PRR5L: variants seen among roughly 807,000 people sequenced by gnomAD.
PRR5L encodes the protein proline rich 5 like, also known as proline-rich protein 5-like.
PRR5L carries 21 observed loss-of-function variants against 36.4 expected under a neutral mutation model. The ratio of observed to expected loss-of-function variants is 0.58; its 90% CI spans 0.41 to 0.83. The LOEUF is 0.83. Ranked by LOEUF, PRR5L falls within the 40% of genes least tolerant of loss-of-function variation. The probability of loss-of-function intolerance (pLI) is 0.00; values close to 1 mark genes in which losing one functional copy is unlikely to be tolerated. For synonymous variants in PRR5L, 188 were observed against 197.0 expected, an observed-to-expected ratio of 0.95 and a Z score of 0.38; for missense variants, 381 against 473.3, an observed-to-expected ratio of 0.80 and a Z score of 1.81.
At chr11:36,446,557 A>T in intron 7 of PRR5L, 117 bp downstream of exon 7, 1 of 1,251,116 alleles carries the variant, frequency 8.0e-7, no homozygotes, top group Non-Finnish European at 1.1e-6. Context: ...TTGGCTTACT[A>T]CTATTTAGTT....
intron 1 of PRR5L, among the ~76,000 whole-genome samples, chr11:36,322,491 C>T (rs1856622362): frequency 6.6e-6 from 1 of 152,072 alleles, no homozygotes; most frequent in Non-Finnish European, 1.5e-5. Flanking sequence ...TTGGTCATAC[C>T]ATTTCTTTTG....
chr11:36,400,742 T>C (rs1035346284), intron 1 of PRR5L, among the ~76,000 whole-genome samples: 4 of 152,196 alleles, frequency 2.6e-5, no homozygotes, highest in African/African-American at 9.7e-5. Flanking sequence ...TAGCACAGCT[T>C]AGAAATCATT....
chr11:36,355,511 TA>T (rs1590476864), intron 1 of PRR5L, among the ~76,000 whole-genome samples: 2 of 151,716 alleles, frequency 1.3e-5, no homozygotes, highest in African/African-American at 4.8e-5. Flanking sequence ...TTGAACCAGG[TA>T]GTCTGACCCC....
intron 1 of PRR5L, among the ~76,000 whole-genome samples, chr11:36,367,135 A>G (rs566918380): frequency 5.3e-5 from 8 of 152,304 alleles, no homozygotes; most frequent in African/African-American, 1.4e-4. Context: ...GTATTTCCAT[A>G]TTCTCAGACC....
intron 7 of PRR5L, among the ~76,000 whole-genome samples, chr11:36,448,751 G>T (rs145622726): frequency 3.9e-5 from 6 of 152,120 alleles, no homozygotes; most frequent in African/African-American, 1.4e-4. Flanking sequence ...GGATCATGGC[G>T]AATTTCCAGA....
intron 1 of PRR5L, among the ~76,000 whole-genome samples, chr11:36,319,059 A>G (rs1263254487): frequency 6.6e-6 from 1 of 152,218 alleles, no homozygotes; most frequent in Non-Finnish European, 1.5e-5. Context: ...AAAATGGATT[A>G]TTAACTGTTG....
At chr11:36,314,600 T>A (rs949128095) in intron 1 of PRR5L, among the ~76,000 whole-genome samples, 3 of 152,242 alleles carry the variant, frequency 2.0e-5, no homozygotes, top group African/African-American at 4.8e-5. Context: ...GTGTTGTTTT[T>A]GCTCTGCCTC....
chr11:36,448,659 T>C (rs931900792), intron 7 of PRR5L, among the ~76,000 whole-genome samples: 2 of 152,154 alleles, frequency 1.3e-5, no homozygotes, highest in Non-Finnish European at 2.9e-5. Flanking sequence ...TGATGCTGGG[T>C]CCCTGACCTC....
At chr11:36,452,477 C>T (rs1477123078) in intron 8 of PRR5L, among the ~76,000 whole-genome samples, 2 of 152,236 alleles carry the variant, frequency 1.3e-5, no homozygotes, top group Admixed American at 6.5e-5. Context: ...CACCACAGAT[C>T]GGAGGGTGCT....
chr11:36,453,011 A>G (rs1271067751), intron 8 of PRR5L, among the ~76,000 whole-genome samples: 2 of 152,246 alleles, frequency 1.3e-5, no homozygotes, highest in Non-Finnish European at 2.9e-5. Flanking sequence ...GATAAGGCAA[A>G]GAAAAACAAC....
intron 1 of PRR5L, among the ~76,000 whole-genome samples, chr11:36,339,839 G>C (rs1395212755): frequency 1.3e-5 from 2 of 152,204 alleles, no homozygotes; most frequent in Non-Finnish European, 2.9e-5. Flanking sequence ...ACCCCATTAG[G>C]AAGCTTTCTT....
chr11:36,411,476 A>T (rs1163878578), intron 3 of PRR5L, among the ~76,000 whole-genome samples: 1 of 152,004 alleles, frequency 6.6e-6, no homozygotes, highest in Non-Finnish European at 1.5e-5. Flanking sequence ...TCCCCCTGTT[A>T]TGGCTCCTTT....
At chr11:36,410,435 CT>C (rs1484023931) in intron 3 of PRR5L, among the ~76,000 whole-genome samples, 3 of 152,168 alleles carry the variant, frequency 2.0e-5, no homozygotes. Flanking sequence ...GGGGGTACCA[CT>C]GCCTGATTAG....
chr11:36,379,759 G>A (rs1857337925), intron 1 of PRR5L, among the ~76,000 whole-genome samples: 1 of 152,162 alleles, frequency 6.6e-6, no homozygotes, highest in African/African-American at 2.4e-5. Flanking sequence ...GTGAATTTGA[G>A]TTAATTCACA....
rs745781599 is a variant in PRR5L at position 36,338,879 on chromosome 11, G to C, written c.-126+42441G>C. Reference sequence around the variant, plus strand: ...ATTGTATCTCCCAGAATTCCCACGTGCTGTGGGAGGGACCTAATGGGAGGT... The same window carrying C: ...ATTGTATCTCCCAGAATTCCCACGTCCTGTGGGAGGGACCTAATGGGAGGT... On this transcript the variant is annotated intron_variant, in intron 1 of 8. Transcript: ENST00000530639. Among the ~76,000 whole-genome samples, 56 of 152,206 alleles carry C rather than the reference G, an allele frequency of 3.7e-4. 1 individual carries two copies. The highest frequency in any genetic ancestry group is 3.9e-4 in the Admixed American group (6 of 15,290).
At chr11:36,417,825 G>A (rs77984327) in intron 3 of PRR5L, among the ~76,000 whole-genome samples, 11,099 of 152,214 alleles carry the variant, frequency 0.073, 424 homozygotes, top group African/African-American at 0.099. Context: ...AGCAAGCGTC[G>A]TCAGAAACTT....
At chr11:36,362,990 C>T (rs533595837) in intron 1 of PRR5L, among the ~76,000 whole-genome samples, 4 of 152,166 alleles carry the variant, frequency 2.6e-5, no homozygotes, top group Non-Finnish European at 5.9e-5. Flanking sequence ...ACAAGGTTCT[C>T]CAGGCCCAGA....
At chr11:36,360,540 G>A (rs1177063092) in intron 1 of PRR5L, among the ~76,000 whole-genome samples, 1 of 152,114 alleles carries the variant, frequency 6.6e-6, no homozygotes, top group Non-Finnish European at 1.5e-5. Flanking sequence ...ACACAAAGGG[G>A]TATGTGCACA....
At chr11:36,318,124 G>A (rs1325183987) in intron 1 of PRR5L, among the ~76,000 whole-genome samples, 2 of 152,100 alleles carry the variant, frequency 1.3e-5, no homozygotes, top group African/African-American at 4.8e-5. Context: ...AGAGTAATAC[G>A]CTGTACACGT....
Sources: gnomAD v4.1 joint callset for allele counts (sites outside exome capture counted in the v4.1 genomes callset) on GRCh38, gnomAD v4.1.1 for gene constraint, MANE v1.5 for transcripts, NCBI Gene and HGNC (gene_info 2026-07-23, HGNC 2026-07-21) for gene names.